The following ACTN4 variants were observed in gnomAD, a reference collection of about 807,000 sequenced individuals.
ACTN4 encodes actinin alpha 4, also known as alpha-actinin-4.
Under a neutral mutation model 114.2 loss-of-function variants are expected in ACTN4, and 18 were observed. The ratio of observed to expected loss-of-function variants is 0.16; its 90% CI spans 0.11 to 0.23. ACTN4 has a LOEUF of 0.23. Ranked by LOEUF, ACTN4 falls within the 10% of genes least tolerant of loss-of-function variation. The pLI is 1.00. For missense variants in ACTN4, 722 were observed against 1,262.9 expected (o/e 0.57, Z 6.49); for synonymous variants, 515 against 506.3 (o/e 1.02, Z -0.23).
intron 1 of ACTN4, among the ~76,000 whole-genome samples, chr19:38,679,429 A>G (rs1331869915): frequency 6.6e-6 from 1 of 152,090 alleles, no homozygotes; most frequent in Non-Finnish European, 1.5e-5. Flanking sequence ...CACAGACCAT[A>G]TGCAAAAGTG....
chr19:38,695,665 T>C (rs1326247648), intron 1 of ACTN4, among the ~76,000 whole-genome samples: 1 of 152,102 alleles, frequency 6.6e-6, no homozygotes, highest in Non-Finnish European at 1.5e-5. Flanking sequence ...ACTCCCTTCC[T>C]TCTCGGAGTG....
At chr19:38,725,960 G>A (rs546475826) in intron 17 of ACTN4, 57 bp downstream of exon 17, 3 of 1,601,318 alleles carry the variant, frequency 1.9e-6, no homozygotes, top group South Asian at 2.2e-5. Context: ...TTCCTCACTG[G>A]AAATGGTTCG....
At chr19:38,677,955 G>T (rs2431641) in intron 1 of ACTN4, among the ~76,000 whole-genome samples, 1 of 152,036 alleles carries the variant, frequency 6.6e-6, no homozygotes, top group Non-Finnish European at 1.5e-5. Context: ...TCAAACTCCT[G>T]GCCTCAAGTC....
intron 12 of ACTN4, among the ~76,000 whole-genome samples, chr19:38,722,130 T>C (rs944168239): frequency 1.3e-5 from 2 of 152,170 alleles, no homozygotes; most frequent in Non-Finnish European, 2.9e-5. Flanking sequence ...CAGAATACAC[T>C]TATTGTAAGA....
At chr19:38,684,735 A>C (rs1967688109) in intron 1 of ACTN4, among the ~76,000 whole-genome samples, 1 of 151,474 alleles carries the variant, frequency 6.6e-6, no homozygotes, top group African/African-American at 2.4e-5. Context: ...TTGGCTATAG[A>C]ATCCTATTTT....
intron 9 of ACTN4, among the ~76,000 whole-genome samples, chr19:38,715,968 C>G (rs2145057322): frequency 6.6e-6 from 1 of 152,374 alleles, no homozygotes; most frequent in East Asian, 1.9e-4. Context: ...ATGGCACGAC[C>G]TTGGCTCACT....
At position 38,727,122 on chromosome 19, in the gene ACTN4, C is replaced by G; in HGVS notation, c.2337+19C>G. 6.2e-7 allele frequency: 1 copy of G among 1,613,534 alleles called. No homozygotes were observed. The highest frequency in any genetic ancestry group is 8.5e-7 in the Non-Finnish European group (1 of 1,179,960). ...CGACAAGGTGAGCAGCCTGCCACCT[C>G]CTCGGCCTCTCCCCTCCCGCCGTTG... On this transcript the variant is annotated intron_variant, in intron 18 of 20. Coordinates refer to ENST00000252699, the MANE Select transcript of ACTN4 (RefSeq NM_004924.6). This position sits in a 1 kb window ranked among gnomAD's most constrained non-coding sequence, Gnocchi z 5.4.
rs114750273 is a variant in ACTN4, at chr19:38,718,109, C to T, written c.1291+35C>T. The stretch of plus-strand genomic sequence containing the variant: ...AGCTCTGCCCCACTCTGCCCAGCCC[C>T]GCTCCCGTGCTCCCCTCCTGTCTCT... On this transcript the variant is annotated intron_variant, in intron 11 of 20. Coordinates refer to ENST00000252699, the MANE Select transcript of ACTN4 (RefSeq NM_004924.6). The T allele has an allele frequency of 5.7e-5, 90 of 1,578,220 alleles. No individual in the cohort carries two copies. In the African/African-American group the frequency reaches 1.0e-3, roughly 18 times the overall value.
chr19:38,676,634 C>T (rs1372204015), intron 1 of ACTN4, among the ~76,000 whole-genome samples: 1 of 152,184 alleles, frequency 6.6e-6, no homozygotes, highest in African/African-American at 2.4e-5. Context: ...GGAAGGTAAA[C>T]AGGCTGCCTT....
At chr19:38,702,766 C>T (rs1428584649) in intron 3 of ACTN4, among the ~76,000 whole-genome samples, 1 of 152,222 alleles carries the variant, frequency 6.6e-6, no homozygotes, top group Non-Finnish European at 1.5e-5. Flanking sequence ...CCTCTCAAAA[C>T]CCGAAAGCTG....
Position 38,722,527 on chromosome 19 carries a change from T to G in ACTN4, c.1442+839T>G, listed in dbSNP as rs569055984. ...AGCCCCATGCTGGGCAGAGCTGGTTTCCTCCCCGACTCACTACCCACTACT... is the reference window on the plus strand; with the variant it reads ...AGCCCCATGCTGGGCAGAGCTGGTTGCCTCCCCGACTCACTACCCACTACT... On this transcript the variant is annotated intron_variant, in intron 12 of 20. Coordinates refer to ENST00000252699, the MANE Select transcript of ACTN4 (RefSeq NM_004924.6). Among the ~76,000 whole-genome samples, 10 of 152,326 alleles carry G rather than the reference T, an allele frequency of 6.6e-5. No individual in the cohort carries two copies. The East Asian group carries it at 1.9e-3, about 29-fold the overall frequency.
intron 5 of ACTN4, among the ~76,000 whole-genome samples, chr19:38,707,873 CGA>C (rs1968512804): frequency 6.6e-6 from 1 of 152,202 alleles, no homozygotes; most frequent in Admixed American, 6.5e-5. Flanking sequence ...ATGTGGAAAC[CGA>C]GATAGCCTGG....
At chr19:38,721,459 CCTCT>C in intron 11 of ACTN4, 75 bp from the exon 12 acceptor site, 1 of 1,546,698 alleles carries the variant, frequency 6.5e-7, no homozygotes, top group Non-Finnish European at 8.9e-7. Flanking sequence ...TCTTTCCCTC[CCTCT>C]GCTTGGACAG....
intron 1 of ACTN4, among the ~76,000 whole-genome samples, chr19:38,698,787 C>T (rs974040073): frequency 2.6e-5 from 4 of 152,176 alleles, no homozygotes; most frequent in East Asian, 1.9e-4. Flanking sequence ...TGCCCCCTTT[C>T]GGATTTGGAA....
intron 1 of ACTN4, among the ~76,000 whole-genome samples, chr19:38,685,018 T>C (rs1967697556): frequency 6.6e-6 from 1 of 152,196 alleles, no homozygotes; most frequent in South Asian, 2.1e-4. Flanking sequence ...TGATCTCAGC[T>C]CACTGCAACC....
chr19:38,648,602 C>T (rs1314801897), intron 1 of ACTN4, among the ~76,000 whole-genome samples: 4 of 150,600 alleles, frequency 2.7e-5, no homozygotes, highest in African/African-American at 9.8e-5. Flanking sequence ...GACTGGGGGT[C>T]TGAGGAGGGT....
intron 1 of ACTN4, among the ~76,000 whole-genome samples, chr19:38,652,719 G>A (rs2144821524): frequency 6.6e-6 from 1 of 152,336 alleles, no homozygotes; most frequent in South Asian, 2.1e-4. Flanking sequence ...GTTGGAGGAA[G>A]CAGGGTGGTG....
At chr19:38,726,148 C>T (rs1297787078) in intron 17 of ACTN4, among the ~76,000 whole-genome samples, 1 of 152,054 alleles carries the variant, frequency 6.6e-6, no homozygotes, top group Non-Finnish European at 1.5e-5. Flanking sequence ...ATTAGCCAGG[C>T]ATGGTGGTGC....
chr19:38,695,873 A>G (rs1240132359), intron 1 of ACTN4, among the ~76,000 whole-genome samples: 1 of 151,828 alleles, frequency 6.6e-6, no homozygotes, highest in East Asian at 1.9e-4. Flanking sequence ...CGCACTCTTC[A>G]GCTCCCATCC....
Sources: gnomAD v4.1 joint callset for allele counts (sites outside exome capture counted in the v4.1 genomes callset) on GRCh38, gnomAD v4.1.1 for gene constraint, Gnocchi (gnomAD v3.1) non-coding constraint, MANE v1.5 for transcripts, NCBI Gene and HGNC (gene_info 2026-07-23, HGNC 2026-07-21) for gene names.